Variants in BICD2 observed in about 807,000 individuals in gnomAD.
BICD2 encodes protein bicaudal D homolog 2.
Under a neutral mutation model 72.9 loss-of-function variants are expected in BICD2, and 25 were observed. That is an observed-to-expected ratio of 0.34 (90% CI 0.25 to 0.48). The LOEUF (loss-of-function observed/expected upper bound fraction) is 0.48, where lower values mean the gene tolerates loss of function less well. Ranked by LOEUF, BICD2 falls within the 20% of genes least tolerant of loss-of-function variation. BICD2 has a pLI of 0.99. For synonymous variants in BICD2, 501 were observed against 516.1 expected (o/e 0.97, Z 0.40); for missense variants, 894 against 1,175.2 (o/e 0.76, Z 3.50).
chr9:92,722,818 G>GA lies in BICD2; in HGVS notation c.454-11dup, dbSNP rs1482534654. The stretch of plus-strand genomic sequence containing the variant: ...CCACATTCTGGTTGATCTGTTGGGG[G>GA]AGAGGGAAAGGCAGGTATGAGCAGC... On this transcript the variant is annotated splice_polypyrimidine_tract_variant and intron_variant, in intron 2 of 6. Coordinates refer to ENST00000356884, the MANE Select transcript of BICD2 (RefSeq NM_001003800.2). 1 of 1,614,046 alleles carries GA rather than the reference G, an allele frequency of 6.2e-7. No individual in the cohort carries two copies. The highest frequency in any genetic ancestry group is 8.5e-7 in the Non-Finnish European group (1 of 1,180,022).
At chr9:92,725,350 T>C (rs1321323456) in intron 2 of BICD2, among the ~76,000 whole-genome samples, 3 of 152,246 alleles carry the variant, frequency 2.0e-5, no homozygotes, top group African/African-American at 7.2e-5. Flanking sequence ...GATGGCACCA[T>C]CTCTGCTGAT....
chr9:92,749,424 C>T (rs1332729568), intron 1 of BICD2, among the ~76,000 whole-genome samples: 1 of 152,156 alleles, frequency 6.6e-6, no homozygotes, highest in Non-Finnish European at 1.5e-5. Flanking sequence ...CGCTAGGACT[C>T]AGGGCTGAGA....
Position 92,764,027 on chromosome 9 carries a change from G to A in BICD2, c.240+478C>T, listed in dbSNP as rs1854428083. On this transcript the variant is annotated intron_variant, in intron 1 of 6. Transcript: ENST00000356884. The surrounding 1 kb of genome is among the most constrained non-coding windows in gnomAD (Gnocchi z 5.5). ...CGCTCCGAAAGTAGCTGCGCCCAGA[G>A]AGGGGAAGTGCTTTCTCTGAAGGTG... Among the ~76,000 whole-genome samples, 1 of 152,200 alleles carries A rather than the reference G, an allele frequency of 6.6e-6. No individual in the cohort carries two copies.
intron 1 of BICD2, among the ~76,000 whole-genome samples, chr9:92,737,233 T>C (rs1314539708): frequency 6.6e-6 from 1 of 152,200 alleles, no homozygotes; most frequent in East Asian, 1.9e-4. Flanking sequence ...AGCTTAGTGC[T>C]ATGGGGATTT....
chr9:92,758,224 A>T (rs1245421803), intron 1 of BICD2, among the ~76,000 whole-genome samples: 6 of 149,028 alleles, frequency 4.0e-5, no homozygotes, highest in Admixed American at 2.7e-4. Context: ...AATAATAATA[A>T]TAATAATATG....
chr9:92,722,155 A>C (rs1409620564), intron 3 of BICD2, among the ~76,000 whole-genome samples: 1 of 151,300 alleles, frequency 6.6e-6, no homozygotes, highest in African/African-American at 2.4e-5. Flanking sequence ...AAGAGAAGGG[A>C]CCCTCCTTAT....
At chr9:92,718,349 C>T (rs965208975) in intron 5 of BICD2, among the ~76,000 whole-genome samples, 190 bp downstream of exon 5, 2 of 152,246 alleles carry the variant, frequency 1.3e-5, no homozygotes, top group African/African-American at 4.8e-5. Context: ...CACCCACCTG[C>T]CTGCTCCACC....
chr9:92,729,956 C>G (rs1853646212), intron 1 of BICD2, among the ~76,000 whole-genome samples: 1 of 152,214 alleles, frequency 6.6e-6, no homozygotes. Context: ...CCCAGGACGC[C>G]CACCTGCCCA....
rs1179908283 is a variant in BICD2 at position 92,718,946 on chromosome 9, T to C, written c.1699A>G (p.Thr567Ala). 1 of 1,609,116 alleles carries C rather than the reference T, an allele frequency of 6.2e-7. No individual in the cohort carries two copies. Among genetic ancestry groups the C allele is most frequent in the African/African-American group, 1.3e-5 (1 of 74,844 alleles). Residue 567 changes from threonine to alanine, a missense_variant, in exon 5 of 7, where the codon ACC becomes GCC. Physicochemically the swap from Thr to Ala is moderately conservative, Grantham distance 58. This residue lies in a region of BICD2 where 321 missense variants were observed against 443.9 expected (regional missense o/e 0.72). Transcript: ENST00000356884. The stretch of plus-strand genomic sequence containing the variant: ...GGGCTGGTGCGGCCCCCGGGACTGG[T>C]GCGGCCGGCCCCGCCCTGGCCCTCG... ...YREGQGGAGR[T>A]SPGGRTSPEA...
At chr9:92,762,528 G>C (rs1369777099) in intron 1 of BICD2, among the ~76,000 whole-genome samples, 1 of 152,098 alleles carries the variant, frequency 6.6e-6, no homozygotes, top group African/African-American at 2.4e-5. Flanking sequence ...AAGCCAGGTG[G>C]TGACAAAAAA....
chr9:92,764,811 G>A lies in BICD2; in HGVS notation c.-67C>T, dbSNP rs1364334187. ...GGCCGGGCCCTCCTCAGCCGCCGCCGCTGCCGCCGCCGCCGCCGCCCTGCC... is the reference window on the plus strand; with the variant it reads ...GGCCGGGCCCTCCTCAGCCGCCGCCACTGCCGCCGCCGCCGCCGCCCTGCC... On this transcript the variant is annotated 5_prime_UTR_variant, in exon 1 of 7. Transcript: ENST00000356884. The surrounding 1 kb of genome is among the most constrained non-coding windows in gnomAD (Gnocchi z 5.5). 44 of 1,189,290 alleles carry A rather than the reference G, an allele frequency of 3.7e-5. No individual in the cohort carries two copies. The highest frequency in any genetic ancestry group is 1.5e-4 in the Admixed American group (3 of 20,654). 73.7% of individuals were successfully genotyped at this position (1,189,290 alleles called of 1,614,324 possible).
chr9:92,730,325 G>A (rs547369527), intron 1 of BICD2, among the ~76,000 whole-genome samples: 1 of 152,300 alleles, frequency 6.6e-6, no homozygotes, highest in East Asian at 1.9e-4. Flanking sequence ...AGAAAAAGGA[G>A]CATTTTTCAC....
rs1167719737 is a variant in BICD2 at position 92,720,539 on chromosome 9, G to A, written c.823C>T (p.His275Tyr). Residue 275 changes from histidine (H) to tyrosine (Y), a missense_variant, in exon 4 of 7, where the codon CAC becomes TAC. His to Tyr is a moderately conservative substitution (Grantham distance 83). Around this residue, in one of 5 missense-constraint regions of BICD2, gnomAD observed 371 missense variants for 439.1 expected, o/e 0.84. Transcript: ENST00000356884. The surrounding 1 kb of genome is among the most constrained non-coding windows in gnomAD (Gnocchi z 5.4). Reference sequence around the variant, plus strand: ...AGGCCATCCAGCGAGACATGCAGGTGGCTGGTGTAGAAGGAGTCATTGATG... The same window carrying A: ...AGGCCATCCAGCGAGACATGCAGGTAGCTGGTGTAGAAGGAGTCATTGATG... The part of the protein sequence containing the change: ...MSINDSFYTS[H>Y]LHVSLDGLKF... 6.2e-6 allele frequency: 10 copies of A among 1,614,210 alleles called. No homozygotes were observed. Among genetic ancestry groups the A allele is most frequent in the Non-Finnish European group, 8.5e-6 (10 of 1,180,044 alleles).
At position 92,713,889 on chromosome 9, in the gene BICD2, G is replaced by T; in HGVS notation, c.*1265C>A. The stretch of plus-strand genomic sequence containing the variant: ...AACACGGTCTCTCACCAGGTAACTC[G>T]AATGCCTCTTCCGCATGAGAGACAA... On this transcript the variant is annotated 3_prime_UTR_variant, in exon 7 of 7. Transcript: ENST00000356884. 1 of 1,005,732 alleles carries T rather than the reference G, an allele frequency of 9.9e-7. No individual in the cohort carries two copies. Among genetic ancestry groups the T allele is most frequent in the Non-Finnish European group, 1.2e-6 (1 of 841,966 alleles). The allele number at this position is 1,005,732 out of a possible 1,614,324, so 62.3% of individuals were successfully genotyped here. A position where few individuals can be genotyped will look rare whatever the true frequency, so the allele number is the denominator to read the frequency against.
At position 92,719,200 on chromosome 9, in the gene BICD2, G is replaced by A. The variant is rs761146388; in HGVS notation, c.1445C>T (p.Thr482Met). ...CTTCTCTAGCAGGGAGACCTTCTCC[G>A]TGAGTGCCTGGCCCTCAGCCTCATA... ...GRYEAEGQAL[T>M]EKVSLLEKAS... The change falls in exon 5 of 7, where the codon ACG becomes ATG. Residue 482 changes from threonine to methionine, a missense_variant. Thr to Met is a moderately conservative substitution (Grantham distance 81, BLOSUM62 -1). Transcript: ENST00000356884. 1.2e-5 allele frequency: 20 copies of A among 1,610,790 alleles called. No individual in the cohort carries two copies. Among genetic ancestry groups the A allele is most frequent in the South Asian group, 5.5e-5 (5 of 91,082 alleles).
intron 1 of BICD2, among the ~76,000 whole-genome samples, chr9:92,742,984 A>G (rs1387555734): frequency 6.6e-6 from 1 of 152,120 alleles, no homozygotes; most frequent in Admixed American, 6.5e-5. Flanking sequence ...GGTTGTTTCC[A>G]CTTTTAGGCT....
intron 1 of BICD2, among the ~76,000 whole-genome samples, chr9:92,730,399 C>T (rs1379445222): frequency 6.6e-6 from 1 of 152,116 alleles, no homozygotes; most frequent in Non-Finnish European, 1.5e-5. Flanking sequence ...ATGTAAAAAA[C>T]CATGAATAAG....
chr9:92,719,228 G>T lies in BICD2; in HGVS notation c.1417C>A (p.Arg473Ser). The T allele has an allele frequency of 5.6e-6, 9 of 1,611,836 alleles. No individual in the cohort carries two copies. The highest frequency in any genetic ancestry group is 7.6e-6 in the Non-Finnish European group (9 of 1,179,966). Residue 473 changes from arginine (R) to serine (S), a missense_variant, in exon 5 of 7, where the codon CGC (arginine) becomes AGC (serine). Coordinates refer to ENST00000356884, the MANE Select transcript of BICD2 (RefSeq NM_001003800.2). Reference protein sequence around the residue: ...REAQHAEEKGRYEAEGQALTE... With the variant: ...REAQHAEEKGSYEAEGQALTE... ...AGTGCCTGGCCCTCAGCCTCATAGC[G>T]GCCCTTCTCCTCGGCGTGCTGGGCC... is the stretch of plus-strand genomic sequence containing the variant.
At chr9:92,763,400 C>T (rs1012860709) in intron 1 of BICD2, among the ~76,000 whole-genome samples, 1 of 152,160 alleles carries the variant, frequency 6.6e-6, no homozygotes, top group Non-Finnish European at 1.5e-5. Context: ...AGCTATACTC[C>T]TGACCGCACA....
Sources: gnomAD v4.1 joint callset for allele counts (sites outside exome capture counted in the v4.1 genomes callset) on GRCh38, gnomAD v4.1.1 for gene constraint, gnomAD v4.1.1 regional missense constraint, Gnocchi (gnomAD v3.1) non-coding constraint, MANE v1.5 for transcripts, NCBI Gene and HGNC (gene_info 2026-07-23, HGNC 2026-07-21) for gene names.